The following SLC9A9 variants were observed in gnomAD, a reference collection of about 807,000 sequenced individuals.
SLC9A9 encodes the protein solute carrier family 9 member A9.
Under a neutral mutation model 77.8 loss-of-function variants are expected in SLC9A9, and 62 were observed. The ratio of observed to expected loss-of-function variants is 0.80; its 90% CI spans 0.65 to 0.98. SLC9A9 has a LOEUF of 0.98. SLC9A9 is among the 50% of genes least tolerant of loss of function. The probability of loss-of-function intolerance (pLI) is 0.00; values close to 1 mark genes in which losing one functional copy is unlikely to be tolerated. For missense variants in SLC9A9, 775 were observed against 774.9 expected (o/e 1.00, Z 0.00); for synonymous variants, 320 against 283.5 (o/e 1.13, Z -1.29).
At chr3:143,497,304 T>C (rs2035852230) in intron 9 of SLC9A9, among the ~76,000 whole-genome samples, 2 of 152,138 alleles carry the variant, frequency 1.3e-5, no homozygotes, top group Non-Finnish European at 2.9e-5. Flanking sequence ...TACTCCAATT[T>C]CCCTCTGAGG....
chr3:143,726,431 A>C (rs1362599853), intron 4 of SLC9A9, among the ~76,000 whole-genome samples: 1 of 152,120 alleles, frequency 6.6e-6, no homozygotes, highest in Admixed American at 6.5e-5. Flanking sequence ...GTACACTTAA[A>C]ATGGGTATCT....
rs184402957 is a variant in SLC9A9, at chr3:143,723,817, A to C, written c.534-30510T>G. ...GGTCCAGCAGCATCCTGGTTACCTG[A>C]GAGTGTGTTGAAAATGCAGAATCCC... On this transcript the variant is annotated intron_variant, in intron 4 of 15. Transcript: ENST00000316549. Among the ~76,000 whole-genome samples, 35 of 152,294 alleles carry C rather than the reference A, an allele frequency of 2.3e-4. No homozygotes were observed. In the East Asian group the frequency reaches 6.4e-3, roughly 28 times the overall value.
Position 143,517,279 on chromosome 3 carries a change from A to G in SLC9A9, c.1090-21831T>C, listed in dbSNP as rs1488423979. ...TGGCGGCAAGAACCTCTGGATCACT[A>G]AGAATTTCATTGAGTCCAGGCATTC... On this transcript the variant is annotated intron_variant, in intron 9 of 15. Transcript: ENST00000316549. 6 of 1,267,312 alleles carry G rather than the reference A, an allele frequency of 4.7e-6. No individual in the cohort carries two copies. The African/African-American group carries it at 7.3e-5, about 15-fold the overall frequency. 78.5% of individuals were successfully genotyped at this position (1,267,312 alleles called of 1,614,324 possible).
intron 6 of SLC9A9, among the ~76,000 whole-genome samples, chr3:143,626,105 G>T (rs1334373726): frequency 2.6e-5 from 4 of 152,192 alleles, no homozygotes; most frequent in African/African-American, 9.7e-5. Flanking sequence ...TCATTAAAAA[G>T]TCAGGAAACA....
At chr3:143,551,894 C>T (rs1346024950) in intron 9 of SLC9A9, among the ~76,000 whole-genome samples, 1 of 152,208 alleles carries the variant, frequency 6.6e-6, no homozygotes, top group Non-Finnish European at 1.5e-5. Context: ...AATATCCAAA[C>T]AGATGTGTTC....
intron 4 of SLC9A9, among the ~76,000 whole-genome samples, chr3:143,701,113 G>T (rs1304817458): frequency 6.6e-6 from 1 of 152,210 alleles, no homozygotes; most frequent in Non-Finnish European, 1.5e-5. Context: ...GGGTGCCCCT[G>T]ATGCAGATAT....
At chr3:143,370,668 C>T (rs2033039777) in intron 13 of SLC9A9, among the ~76,000 whole-genome samples, 1 of 151,826 alleles carries the variant, frequency 6.6e-6, no homozygotes, top group African/African-American at 2.4e-5. Flanking sequence ...CCCAGAACCA[C>T]TACTGCCATA....
At chr3:143,467,974 A>G (rs1310457570) in intron 11 of SLC9A9, among the ~76,000 whole-genome samples, 1 of 152,216 alleles carries the variant, frequency 6.6e-6, no homozygotes, top group Non-Finnish European at 1.5e-5. Flanking sequence ...GTTGCTGGAT[A>G]ATCATTCAGG....
rs2034856786 is a variant in SLC9A9 at position 143,446,902 on chromosome 3, GCACA to G, written c.1469+20131_1469+20134del. Among the ~76,000 whole-genome samples the G allele has an allele frequency of 2.0e-5, 3 of 151,812 alleles. No individual in the cohort carries two copies. In the South Asian group the frequency reaches 6.2e-4, roughly 32 times the overall value. On this transcript the variant is annotated intron_variant, in intron 12 of 15. Transcript: ENST00000316549. The stretch of plus-strand genomic sequence containing the variant: ...TGTGTGTGTGTGTGTGTGTGTGCAT[GCACA>G]CATGTGTGCACACAATCATATGTGT...
intron 9 of SLC9A9, among the ~76,000 whole-genome samples, chr3:143,543,426 G>A (rs567504158): frequency 4.0e-5 from 6 of 150,922 alleles, no homozygotes; most frequent in South Asian, 2.1e-4. Flanking sequence ...AGGACTACAC[G>A]TGTACTTTTG....
At chr3:143,732,022 C>T (rs1196142815) in intron 4 of SLC9A9, among the ~76,000 whole-genome samples, 2 of 152,138 alleles carry the variant, frequency 1.3e-5, no homozygotes, top group Non-Finnish European at 2.9e-5. Context: ...CATGAACTGC[C>T]CAACTGAGTT....
intron 5 of SLC9A9, among the ~76,000 whole-genome samples, chr3:143,690,624 C>A (rs1034320269): frequency 2.0e-5 from 3 of 152,206 alleles, no homozygotes; most frequent in South Asian, 2.1e-4. Flanking sequence ...AAAATGGCAC[C>A]TTTTGATCAT....
chr3:143,661,949 C>T (rs532822044), intron 5 of SLC9A9, among the ~76,000 whole-genome samples: 12 of 144,172 alleles, frequency 8.3e-5, no homozygotes, highest in African/African-American at 3.3e-4. Context: ...TCCCTACCCA[C>T]TAACTAGCCT....
intron 14 of SLC9A9, among the ~76,000 whole-genome samples, chr3:143,333,099 T>G (rs1187725647): frequency 1.3e-5 from 2 of 152,204 alleles, no homozygotes; most frequent in African/African-American, 4.8e-5. Flanking sequence ...AAGGTCATCC[T>G]TACCCATCAG....
At chr3:143,757,626 A>T (rs1182801581) in intron 4 of SLC9A9, among the ~76,000 whole-genome samples, 3 of 152,132 alleles carry the variant, frequency 2.0e-5, no homozygotes, top group Admixed American at 1.3e-4. Flanking sequence ...AAAACTAAAA[A>T]TGTCGCCTCT....
At chr3:143,587,813 C>T (rs2037568815) in intron 6 of SLC9A9, among the ~76,000 whole-genome samples, 1 of 152,158 alleles carries the variant, frequency 6.6e-6, no homozygotes, top group Non-Finnish European at 1.5e-5. Context: ...GCCTGGATGC[C>T]ACCACCTAAA....
chr3:143,306,175 C>T (rs929351093), intron 14 of SLC9A9, among the ~76,000 whole-genome samples: 1 of 152,182 alleles, frequency 6.6e-6, no homozygotes, highest in African/African-American at 2.4e-5. Context: ...ATCAGGGAGG[C>T]AGTGGGGAAC....
intron 2 of SLC9A9, among the ~76,000 whole-genome samples, chr3:143,798,417 G>A (rs573566080): frequency 1.5e-3 from 228 of 152,118 alleles, no homozygotes; most frequent in Non-Finnish European, 2.6e-3. Context: ...AGTCAATTGC[G>A]GGGACGCCTG....
chr3:143,553,938 A>G (rs905333672), intron 8 of SLC9A9, among the ~76,000 whole-genome samples: 26 of 152,242 alleles, frequency 1.7e-4, no homozygotes, highest in East Asian at 1.9e-4. Flanking sequence ...TGAAGCACTA[A>G]GTACTTCAAA....
Sources: gnomAD v4.1 joint callset for allele counts (sites outside exome capture counted in the v4.1 genomes callset) on GRCh38, gnomAD v4.1.1 for gene constraint, MANE v1.5 for transcripts, NCBI Gene and HGNC (gene_info 2026-07-23, HGNC 2026-07-21) for gene names.